Variants in ZNF827 observed in about 807,000 individuals in gnomAD.
ZNF827 encodes the protein zinc finger protein 827.
In ZNF827, 13 loss-of-function variants were observed where a neutral mutation model predicts 102.4. The ratio of observed to expected loss-of-function variants is 0.13; its 90% confidence interval spans 0.08 to 0.20. ZNF827 has a LOEUF of 0.20. Ranked by LOEUF, ZNF827 falls within the 10% of genes least tolerant of loss-of-function variation. ZNF827 has a pLI of 1.00. For missense variants in ZNF827, 1,103 were observed against 1,344.4 expected (o/e 0.82, Z 2.81); for synonymous variants, 523 against 536.2 (o/e 0.98, Z 0.34).
Position 145,760,714 on chromosome 4 carries a change from T to G in ZNF827, c.*902A>C. 4.0e-6 allele frequency: 4 copies of G among 997,956 alleles called. No homozygotes were observed. Among genetic ancestry groups the G allele is most frequent in the South Asian group, 2.6e-5 (1 of 38,118 alleles). 61.8% of individuals were successfully genotyped at this position (997,956 alleles called of 1,614,324 possible). Reference sequence around the variant, plus strand: ...ACACCTGCTGGGGTTGTGTTTAAGTTTTGTGGTTTTTTTTTTTTTTTTTGT... The same window carrying G: ...ACACCTGCTGGGGTTGTGTTTAAGTGTTGTGGTTTTTTTTTTTTTTTTTGT... On this transcript the variant is annotated 3_prime_UTR_variant, in exon 15 of 15. Transcript: ENST00000508784.
intron 7 of ZNF827, among the ~76,000 whole-genome samples, chr4:145,840,814 C>T (rs1745340972): frequency 6.6e-6 from 1 of 152,176 alleles, no homozygotes; most frequent in African/African-American, 2.4e-5. Context: ...GGACACGCAT[C>T]CGAACCATCA....
intron 4 of ZNF827, among the ~76,000 whole-genome samples, chr4:145,871,040 T>C (rs910195839): frequency 2.0e-5 from 3 of 152,188 alleles, no homozygotes; most frequent in Non-Finnish European, 4.4e-5. Context: ...TACTTAGCAC[T>C]GTTCTTCTGA....
intron 8 of ZNF827, among the ~76,000 whole-genome samples, chr4:145,815,416 G>A (rs1742505383): frequency 1.3e-5 from 2 of 152,140 alleles, no homozygotes; most frequent in South Asian, 4.2e-4. Context: ...TGAAGTCCTG[G>A]ACCATCATTC....
chr4:145,765,408 A>G lies in ZNF827; in HGVS notation c.3052+139T>C. 1.8e-6 allele frequency: 2 copies of G among 1,140,236 alleles called. No homozygotes were observed. Among genetic ancestry groups the G allele is most frequent in the Non-Finnish European group, 2.4e-6 (2 of 822,168 alleles). The allele number at this position is 1,140,236 out of a possible 1,614,324, so 70.6% of individuals were successfully genotyped here. A position where few individuals can be genotyped will look rare whatever the true frequency, so the allele number is the denominator to read the frequency against. ...TTCAAATTAAGCCAAAAGAAATACA[A>G]CCTTTAGGTGAGGCCCAGCATACTG... On this transcript the variant is annotated intron_variant, in intron 12 of 14. Coordinates refer to ENST00000508784, the MANE Select transcript of ZNF827 (RefSeq NM_001306215.2). This position sits in a 1 kb window ranked among gnomAD's most constrained non-coding sequence, Gnocchi z 4.7.
At chr4:145,874,801 T>G (rs986541063) in intron 4 of ZNF827, among the ~76,000 whole-genome samples, 1 of 152,240 alleles carries the variant, frequency 6.6e-6, no homozygotes, top group Non-Finnish European at 1.5e-5. Flanking sequence ...GCACTTTTGA[T>G]GTGATGAGAA....
chr4:145,779,006 C>G (rs552371788), intron 9 of ZNF827, among the ~76,000 whole-genome samples: 3 of 152,276 alleles, frequency 2.0e-5, no homozygotes, highest in East Asian at 3.9e-4. Flanking sequence ...ACCAAGGTGC[C>G]TTTTCCCTGG....
At chr4:145,917,626 C>T (rs1752750522) in intron 1 of ZNF827, among the ~76,000 whole-genome samples, 1 of 125,606 alleles carries the variant, frequency 8.0e-6, no homozygotes, top group Admixed American at 1.0e-4. Context: ...GAAAATGCAT[C>T]AAGTGGTAAG....
chr4:145,905,870 C>T (rs961337246), intron 1 of ZNF827, among the ~76,000 whole-genome samples: 3 of 152,138 alleles, frequency 2.0e-5, no homozygotes, highest in Non-Finnish European at 4.4e-5. Flanking sequence ...GAAGTACACT[C>T]ATTAAGTGAA....
chr4:145,846,660 T>C (rs1288524635), intron 6 of ZNF827, among the ~76,000 whole-genome samples: 1 of 131,644 alleles, frequency 7.6e-6, no homozygotes, highest in Non-Finnish European at 1.6e-5. Context: ...CTACTAAAAA[T>C]ACAAAAATTA....
chr4:145,827,286 A>G (rs1743785632), intron 7 of ZNF827, among the ~76,000 whole-genome samples: 1 of 152,216 alleles, frequency 6.6e-6, no homozygotes, highest in African/African-American at 2.4e-5. Flanking sequence ...CTTGCAACAA[A>G]TGGAGAAAAG....
At chr4:145,864,745 T>C (rs1748031020) in intron 5 of ZNF827, among the ~76,000 whole-genome samples, 1 of 152,204 alleles carries the variant, frequency 6.6e-6, no homozygotes, top group Non-Finnish European at 1.5e-5. Flanking sequence ...CTGTTCACTT[T>C]ATAAGTGAAC....
At chr4:145,774,750 C>G in intron 10 of ZNF827, 78 bp from the exon 11 acceptor site, 1 of 1,461,884 alleles carries the variant, frequency 6.8e-7, no homozygotes. Flanking sequence ...TCCATTTATA[C>G]ACAGTACACT....
intron 7 of ZNF827, among the ~76,000 whole-genome samples, chr4:145,844,185 T>C (rs1014572529): frequency 2.0e-5 from 3 of 152,074 alleles, no homozygotes; most frequent in Non-Finnish European, 2.9e-5. Context: ...ATGGATTCCA[T>C]GGGAGTTCAC....
chr4:145,829,484 A>C (rs1743994329), intron 7 of ZNF827, among the ~76,000 whole-genome samples: 1 of 152,208 alleles, frequency 6.6e-6, no homozygotes, highest in Non-Finnish European at 1.5e-5. Context: ...ATATTATGTG[A>C]CCTAACAGGG....
At position 145,885,911 on chromosome 4, in the gene ZNF827, T is replaced by C. The variant is rs533260732; in HGVS notation, c.1514A>G (p.Asn505Ser). The C allele has an allele frequency of 6.2e-7, 1 of 1,614,230 alleles. No individual in the cohort carries two copies. Among genetic ancestry groups the C allele is most frequent in the African/African-American group, 1.3e-5 (1 of 75,062 alleles). ...TELVGTMMTS[N>S]TPERTSQGGA... ...TCCCTGGCTAGTCCTCTCTGGAGTG[T>C]TAGACGTCATCATGGTCCCCACTAG... The change falls in exon 4 of 15, where the codon AAC becomes AGC. Residue 505 changes from asparagine (N) to serine (S), a missense_variant. This residue lies in a region of ZNF827 where 157 missense variants were observed against 211.7 expected (regional missense o/e 0.74). Transcript: ENST00000508784.
At chr4:145,835,564 T>C (rs564856198) in intron 7 of ZNF827, among the ~76,000 whole-genome samples, 18 of 144,610 alleles carry the variant, frequency 1.2e-4, no homozygotes, top group Admixed American at 2.0e-4. Context: ...ACTACAGCAA[T>C]ATCTCATTGC....
intron 4 of ZNF827, among the ~76,000 whole-genome samples, chr4:145,884,134 C>T (rs1026725621): frequency 1.3e-4 from 20 of 152,258 alleles, no homozygotes; most frequent in Admixed American, 3.3e-4. Flanking sequence ...CAGCATAGGG[C>T]CCCCTCACTC....
At chr4:145,856,755 C>G (rs954235835) in intron 5 of ZNF827, among the ~76,000 whole-genome samples, 6 of 142,034 alleles carry the variant, frequency 4.2e-5, no homozygotes, top group African/African-American at 1.6e-4. Flanking sequence ...GCAGGGAAAA[C>G]TGAGCAAACC....
chr4:145,823,654 A>G, intron 7 of ZNF827, 129 bp from the exon 8 acceptor site: 1 of 638,088 alleles, frequency 1.6e-6, no homozygotes, highest in South Asian at 1.9e-5. Context: ...TGTTTAGTGA[A>G]TATAAGAAGA....
Sources: gnomAD v4.1 joint callset for allele counts (sites outside exome capture counted in the v4.1 genomes callset) on GRCh38, gnomAD v4.1.1 for gene constraint, gnomAD v4.1.1 regional missense constraint, Gnocchi (gnomAD v3.1) non-coding constraint, MANE v1.5 for transcripts, NCBI Gene and HGNC (gene_info 2026-07-23, HGNC 2026-07-21) for gene names.